The following MECOM variants were observed in gnomAD, a reference collection of about 807,000 sequenced individuals.
MECOM encodes MDS1 and EVI1 complex locus, also known as histone-lysine N-methyltransferase MECOM.
A neutral mutation model predicts 116.3 loss-of-function variants in MECOM; 13 were observed. That is an observed-to-expected ratio of 0.11 (90% confidence interval 0.07 to 0.18). The LOEUF is 0.18. Among genes scored for constraint, MECOM ranks in the 10% least tolerant of loss-of-function variants. The pLI is 1.00. For missense variants in MECOM, 1,299 were observed against 1,509.0 expected, an observed-to-expected ratio of 0.86 and a Z score of 2.31; for synonymous variants, 528 against 535.2, an observed-to-expected ratio of 0.99 and a Z score of 0.19.
intron 1 of MECOM, among the ~76,000 whole-genome samples, chr3:169,506,134 A>C (rs1755191715): frequency 6.6e-6 from 1 of 152,246 alleles, no homozygotes; most frequent in Non-Finnish European, 1.5e-5. Flanking sequence ...ATTAAAAAGA[A>C]CAGCTCGTTG....
At chr3:169,421,170 G>A (rs1205867920) in intron 1 of MECOM, among the ~76,000 whole-genome samples, 4 of 152,084 alleles carry the variant, frequency 2.6e-5, no homozygotes, top group Non-Finnish European at 5.9e-5. Context: ...CAGGTAAAAA[G>A]GGAAGGTTTC....
chr3:169,285,751 G>A (rs1451308101), intron 2 of MECOM, among the ~76,000 whole-genome samples: 6 of 152,282 alleles, frequency 3.9e-5, no homozygotes, highest in Admixed American at 6.5e-5. Flanking sequence ...TTAGCTGAGC[G>A]TTTTGGAGCT....
chr3:169,119,541 A>G (rs920318598), intron 7 of MECOM, among the ~76,000 whole-genome samples: 5 of 152,290 alleles, frequency 3.3e-5, no homozygotes, highest in Non-Finnish European at 7.4e-5. Flanking sequence ...AGAAGTCTAT[A>G]TTTTCTGACT....
chr3:169,513,907 A>G (rs1426289795), intron 1 of MECOM, among the ~76,000 whole-genome samples: 1 of 152,060 alleles, frequency 6.6e-6, no homozygotes, highest in Non-Finnish European at 1.5e-5. Flanking sequence ...TTTTCAGGAG[A>G]TCATTTTACT....
At chr3:169,300,408 G>T (rs1028546627) in intron 2 of MECOM, among the ~76,000 whole-genome samples, 1 of 152,160 alleles carries the variant, frequency 6.6e-6, no homozygotes, top group Non-Finnish European at 1.5e-5. Context: ...AAATGATCTT[G>T]CGGCGTTTAT....
chr3:169,547,058 C>T (rs1476198868), intron 1 of MECOM, among the ~76,000 whole-genome samples: 1 of 152,190 alleles, frequency 6.6e-6, no homozygotes, highest in East Asian at 1.9e-4. Context: ...TAGTTTGACT[C>T]TGTGTCCCCA....
At chr3:169,432,713 A>G (rs1329807831) in intron 1 of MECOM, among the ~76,000 whole-genome samples, 2 of 152,242 alleles carry the variant, frequency 1.3e-5, no homozygotes, top group African/African-American at 2.4e-5. Context: ...AAATGTGTGC[A>G]CAGTGAGGTG....
At chr3:169,259,104 C>T (rs898775661) in intron 2 of MECOM, among the ~76,000 whole-genome samples, 5 of 152,076 alleles carry the variant, frequency 3.3e-5, no homozygotes, top group African/African-American at 1.2e-4. Context: ...TGAAGGACTG[C>T]CCTAATGAGT....
intron 1 of MECOM, among the ~76,000 whole-genome samples, chr3:169,475,932 T>C (rs1014093645): frequency 6.6e-6 from 1 of 152,074 alleles, no homozygotes; most frequent in Admixed American, 6.6e-5. Context: ...TAAAGATAAA[T>C]AAAATGAAAT....
At chr3:169,489,089 C>T (rs1486647415) in intron 1 of MECOM, among the ~76,000 whole-genome samples, 1 of 152,024 alleles carries the variant, frequency 6.6e-6, no homozygotes, top group Non-Finnish European at 1.5e-5. Context: ...GCTAGATAGA[C>T]TACTATGAAC....
chr3:169,194,990 C>T (rs560470914), intron 2 of MECOM, among the ~76,000 whole-genome samples: 27 of 152,152 alleles, frequency 1.8e-4, no homozygotes, highest in South Asian at 4.1e-4. Context: ...TGTGTCCCAT[C>T]TCAGCCACAT....
At chr3:169,510,704 G>A (rs1389983607) in intron 1 of MECOM, among the ~76,000 whole-genome samples, 1 of 152,228 alleles carries the variant, frequency 6.6e-6, no homozygotes, top group Non-Finnish European at 1.5e-5. Flanking sequence ...TAAACCAGAG[G>A]TAGAGGGCTG....
intron 2 of MECOM, among the ~76,000 whole-genome samples, chr3:169,165,601 A>T (rs546390895): frequency 3.3e-5 from 5 of 152,280 alleles, no homozygotes; most frequent in Middle Eastern, 3.4e-3. Flanking sequence ...GCAAGGCAAA[A>T]CACTTTATGT....
At chr3:169,607,669 T>A (rs1768761055) in intron 1 of MECOM, among the ~76,000 whole-genome samples, 1 of 152,376 alleles carries the variant, frequency 6.6e-6, no homozygotes, top group East Asian at 1.9e-4. Flanking sequence ...GTAAAGTTGG[T>A]GTGATGTGTG....
intron 2 of MECOM, among the ~76,000 whole-genome samples, chr3:169,277,138 T>C (rs9681698): frequency 0.022 from 3,353 of 152,250 alleles, 69 homozygotes; most frequent in East Asian, 0.12. Context: ...GGCAGCATTA[T>C]AGAGTAAGAG....
At chr3:169,662,063 C>T (rs1039191004) in intron 1 of MECOM, among the ~76,000 whole-genome samples, 1 of 152,226 alleles carries the variant, frequency 6.6e-6, no homozygotes, top group Admixed American at 6.5e-5. Context: ...GCAGTCCTGT[C>T]GTCTACAGTC....
chr3:169,104,647 G>A (rs1434414194), intron 10 of MECOM, among the ~76,000 whole-genome samples: 1 of 152,126 alleles, frequency 6.6e-6, no homozygotes, highest in Non-Finnish European at 1.5e-5. Flanking sequence ...TCAGACTCCT[G>A]CAACAAAACA....
intron 1 of MECOM, among the ~76,000 whole-genome samples, chr3:169,651,621 A>G (rs1271531173): frequency 6.6e-6 from 1 of 152,120 alleles, no homozygotes; most frequent in Non-Finnish European, 1.5e-5. Context: ...AGAATGATAC[A>G]ATGGACTTGG....
At chr3:169,100,101 C>CTTTTTTTTTTTTT (rs869032341) in intron 12 of MECOM, among the ~76,000 whole-genome samples, 8 of 50,632 alleles carry the variant, frequency 1.6e-4, no homozygotes, top group Non-Finnish European at 1.8e-4. Context: ...TTCTTTCTTT[C>CTTTTTTTTTTTTT]TTTTTTTTTT....
Sources: gnomAD v4.1 joint callset for allele counts (sites outside exome capture counted in the v4.1 genomes callset) on GRCh38, gnomAD v4.1.1 for gene constraint, MANE v1.5 for transcripts, NCBI Gene and HGNC (gene_info 2026-07-23, HGNC 2026-07-21) for gene names.